Variants in TTC3 observed in about 807,000 individuals in gnomAD.
TTC3 encodes the protein tetratricopeptide repeat domain 3.
TTC3 carries 180 observed loss-of-function variants against 249.6 expected under a neutral mutation model. The ratio of observed to expected loss-of-function variants is 0.72; its 90% CI spans 0.64 to 0.82. The LOEUF is 0.82. TTC3 is among the 40% of genes least tolerant of loss of function. The pLI, the probability that TTC3 is intolerant of heterozygous loss-of-function variation, is 0.00. For synonymous variants in TTC3, 717 were observed against 805.0 expected (o/e 0.89, Z 1.85); for missense variants, 2,061 against 2,398.4 (o/e 0.86, Z 2.94).
intron 36 of TTC3, among the ~76,000 whole-genome samples, chr21:37,184,143 C>T (rs73905425): frequency 2.0e-4 from 31 of 152,108 alleles, no homozygotes; most frequent in South Asian, 4.1e-4. Flanking sequence ...AACACACTTA[C>T]GGAAACAATA....
chr21:37,086,786 C>G (rs1053575716), intron 1 of TTC3: 4 of 160,504 alleles, frequency 2.5e-5, no homozygotes, highest in African/African-American at 9.6e-5. Context: ...TAGGTTAGGC[C>G]AGGAGATTGA....
At chr21:37,096,693 A>G (rs1480525920) in intron 10 of TTC3, 50 bp downstream of exon 10, 2 of 1,403,216 alleles carry the variant, frequency 1.4e-6, no homozygotes, top group East Asian at 2.3e-5. Flanking sequence ...CTAAATACCC[A>G]TTTTTGGGAA....
At chr21:37,135,300 T>C (rs1389584071) in intron 17 of TTC3, 80 bp from the exon 18 acceptor site, 4 of 1,417,660 alleles carry the variant, frequency 2.8e-6, no homozygotes, top group Non-Finnish European at 3.8e-6. Context: ...TTATAAAATA[T>C]TACTATGAAC....
intron 28 of TTC3, chr21:37,159,476 C>T: frequency 1.8e-6 from 1 of 541,220 alleles, no homozygotes; most frequent in South Asian, 2.4e-5. Flanking sequence ...AGGCACTCAA[C>T]ATTATGCTGA....
chr21:37,125,930 T>G (rs1239180520), intron 14 of TTC3, 150 bp from the exon 15 acceptor site: 11 of 597,172 alleles, frequency 1.8e-5, no homozygotes, highest in Non-Finnish European at 3.1e-5. Flanking sequence ...GTTTGCTTGT[T>G]TATACATTTA....
At chr21:37,097,825 T>C (rs2074091015) in intron 10 of TTC3, 1 of 581,834 alleles carries the variant, frequency 1.7e-6, no homozygotes, top group Non-Finnish European at 3.1e-6. Flanking sequence ...AAAGCGCTTG[T>C]ATGGGAGGGT....
chr21:37,079,520 T>TG (rs2071338197), intron 1 of TTC3, among the ~76,000 whole-genome samples: 2 of 14,404 alleles, frequency 1.4e-4, no homozygotes, highest in African/African-American at 6.1e-4. Flanking sequence ...TGGTATGGTT[T>TG]TTTTTTTTTT....
chr21:37,200,347 CTTA>C, intron 45 of TTC3, 23 bp downstream of exon 45: 1 of 1,607,076 alleles, frequency 6.2e-7, no homozygotes, highest in South Asian at 1.1e-5. Context: ...TTTGGCCATC[CTTA>C]CAGCATGCAT....
intron 38 of TTC3, among the ~76,000 whole-genome samples, chr21:37,187,503 TGGAAA>T (rs1023539782): frequency 2.0e-5 from 3 of 152,178 alleles, no homozygotes; most frequent in Admixed American, 6.5e-5. Flanking sequence ...TGCCAATACT[TGGAAA>T]GGAACTTGAA....
At chr21:37,087,968 C>G in intron 3 of TTC3, 93 bp downstream of exon 3, 1 of 1,046,942 alleles carries the variant, frequency 9.6e-7, no homozygotes, top group South Asian at 1.6e-5. Context: ...GATTTATATG[C>G]CTTTTAAAAA....
chr21:37,159,886 T>C, intron 29 of TTC3, 141 bp downstream of exon 29: 1 of 575,368 alleles, frequency 1.7e-6, no homozygotes, highest in South Asian at 1.9e-5. Context: ...TAGTACGTAC[T>C]ATTATTCATT....
At position 37,135,369 on chromosome 21, in the gene TTC3, C is replaced by T. The variant is rs2077836269; in HGVS notation, c.1444-11C>T. The T allele has an allele frequency of 6.3e-7, 1 of 1,595,770 alleles. No homozygotes were observed. The highest frequency in any genetic ancestry group is 1.4e-5 in the African/African-American group (1 of 73,736). On this transcript the variant is annotated splice_polypyrimidine_tract_variant and intron_variant, in intron 17 of 45. Coordinates refer to ENST00000355666, the Ensembl canonical transcript of TTC3. ...GATTCAGGTTACTGAAATAGAATTT[C>T]TTTTTTCCAGGATTTTGCTAATATA...
intron 11 of TTC3, among the ~76,000 whole-genome samples, chr21:37,115,374 G>A (rs2147838059): frequency 6.6e-6 from 1 of 152,254 alleles, no homozygotes; most frequent in East Asian, 1.9e-4. Flanking sequence ...TAAAGAGGCT[G>A]ATAGTCTGGT....
chr21:37,190,738 G>A (rs537678222), intron 39 of TTC3, among the ~76,000 whole-genome samples: 1 of 152,294 alleles, frequency 6.6e-6, no homozygotes, highest in South Asian at 2.1e-4. Flanking sequence ...TAGAAAAGGG[G>A]TAAAAAGAAT....
chr21:37,088,971 T>A, intron 5 of TTC3, 85 bp downstream of exon 5: 2 of 1,199,514 alleles, frequency 1.7e-6, no homozygotes, highest in South Asian at 1.3e-5. Context: ...ATGACTAATT[T>A]ATAGCAATTA....
In TTC3 at chr21:37,147,580, T is replaced by C. The variant is rs780942253; in HGVS notation, c.1993T>C (p.Tyr665His). Residue 665 changes from tyrosine to histidine, a missense_variant, in exon 22 of 46, where the codon TAC (tyrosine) becomes CAC (histidine). By Grantham distance (83) the Tyr-to-His change is moderately conservative. Around this residue, in one of 3 missense-constraint regions of TTC3, gnomAD observed 989 missense variants for 1,145.1 expected, o/e 0.86. Transcript: ENST00000355666. ...CCATGGATATTCTAAGATCCAGATA[T>C]ACATAACTGATCCAGACTTTAAGGT... 5.6e-6 allele frequency: 9 copies of C among 1,608,704 alleles called. No individual in the cohort carries two copies. The African/African-American group carries it at 1.1e-4, about 19-fold the overall frequency.
At chr21:37,144,698 G>T in intron 21 of TTC3, 53 bp downstream of exon 21, 3 of 1,570,514 alleles carry the variant, frequency 1.9e-6, no homozygotes, top group South Asian at 2.4e-5. Context: ...TATCTGCATT[G>T]ACTGACTCAG....
exon 24 of TTC3, chr21:37,150,102 A>G: frequency 6.2e-7 from 1 of 1,610,702 alleles, no homozygotes; most frequent in South Asian, 1.1e-5. Flanking sequence ...AATATGTCTT[A>G]CCCCTGACTG....
At chr21:37,095,176 G>GTA (rs554952096) in intron 8 of TTC3, among the ~76,000 whole-genome samples, 174 bp from the exon 9 acceptor site, 189 of 96,866 alleles carry the variant, frequency 2.0e-3, no homozygotes, top group African/African-American at 5.2e-3. Context: ...TAGTGGGTGT[G>GTA]TATATATATA....
Sources: allele counts gnomAD v4.1 joint callset (sites outside exome capture counted in the v4.1 genomes callset), GRCh38; gene constraint gnomAD v4.1.1; regional missense constraint gnomAD v4.1.1; transcripts MANE v1.5; gene names NCBI Gene and HGNC (gene_info 2026-07-23, HGNC 2026-07-21).